Variants in CHST8 observed in about 807,000 individuals in gnomAD.
CHST8 encodes GALNAC-4-ST1.
Under a neutral mutation model 15.0 loss-of-function variants are expected in CHST8, and 10 were observed. The ratio of observed to expected loss-of-function variants is 0.67; its 90% confidence interval spans 0.41 to 1.13. The LOEUF is 1.13. Ranked by LOEUF, CHST8 falls within the 50% of genes most tolerant of loss-of-function variation. The probability of loss-of-function intolerance (pLI) is 0.00; values close to 1 mark genes in which losing one functional copy is unlikely to be tolerated. For missense variants in CHST8, 634 were observed against 608.2 expected (o/e 1.04, Z -0.45); for synonymous variants, 259 against 256.6 (o/e 1.01, Z -0.09).
chr19:33,696,813 A>G (rs1023612514), intron 3 of CHST8, among the ~76,000 whole-genome samples: 1 of 151,356 alleles, frequency 6.6e-6, no homozygotes, highest in African/African-American at 2.4e-5. Flanking sequence ...CCTTTTCACC[A>G]CATCCATGCC....
intron 1 of CHST8, among the ~76,000 whole-genome samples, chr19:33,639,990 C>T (rs1972260159): frequency 6.6e-6 from 1 of 152,082 alleles, no homozygotes; most frequent in Non-Finnish European, 1.5e-5. Flanking sequence ...CAGGCATGCG[C>T]CACCATGCCT....
At chr19:33,686,366 G>A (rs971944475) in intron 2 of CHST8, among the ~76,000 whole-genome samples, 3 of 152,080 alleles carry the variant, frequency 2.0e-5, no homozygotes, top group Non-Finnish European at 4.4e-5. Flanking sequence ...GGTTTGGGGC[G>A]GTTCAGAAAC....
At chr19:33,673,389 C>T (rs759826) in intron 2 of CHST8, among the ~76,000 whole-genome samples, 2,516 of 152,294 alleles carry the variant, frequency 0.017, 70 homozygotes, top group African/African-American at 0.058. Context: ...GTGAACCAGA[C>T]GTTGGCGGGG....
At chr19:33,653,378 T>G (rs1312612357) in intron 1 of CHST8, among the ~76,000 whole-genome samples, 2 of 152,200 alleles carry the variant, frequency 1.3e-5, no homozygotes, top group Admixed American at 6.6e-5. Flanking sequence ...TGTCTTTCTC[T>G]CTGGTTATTT....
At chr19:33,752,913 A>G (rs1328851245) in intron 3 of CHST8, among the ~76,000 whole-genome samples, 1 of 152,242 alleles carries the variant, frequency 6.6e-6, no homozygotes, top group Admixed American at 6.5e-5. Context: ...GCCAGACTTT[A>G]TAAAACAAAC....
chr19:33,682,184 G>GTTTTTTTT (rs1568325315), intron 2 of CHST8, among the ~76,000 whole-genome samples: 1 of 121,886 alleles, frequency 8.2e-6, no homozygotes. Flanking sequence ...GGTTTTTGTT[G>GTTTTTTTT]TTGTTTTTTT....
At chr19:33,694,154 C>A (rs1973157580) in intron 3 of CHST8, among the ~76,000 whole-genome samples, 1 of 61,992 alleles carries the variant, frequency 1.6e-5, no homozygotes, top group African/African-American at 6.9e-5. Flanking sequence ...CATACAGATT[C>A]TATTGTAGTT....
chr19:33,707,878 G>A (rs572122811), intron 3 of CHST8, among the ~76,000 whole-genome samples: 1 of 152,210 alleles, frequency 6.6e-6, no homozygotes, highest in African/African-American at 2.4e-5. Flanking sequence ...TCACCAGCAG[G>A]GTATGAAGGT....
chr19:33,748,525 G>T (rs1202434834), intron 3 of CHST8, among the ~76,000 whole-genome samples: 1 of 152,234 alleles, frequency 6.6e-6, no homozygotes, highest in Non-Finnish European at 1.5e-5. Flanking sequence ...CTTCTGCTGG[G>T]GTCCCAGCTG....
chr19:33,634,892 G>A (rs886537297), intron 1 of CHST8, among the ~76,000 whole-genome samples: 12 of 151,906 alleles, frequency 7.9e-5, no homozygotes, highest in Admixed American at 2.6e-4. Flanking sequence ...TTGGTTTCTC[G>A]CTCGCTGGGG....
chr19:33,773,015 G>A lies in CHST8; in HGVS notation c.1227G>A (p.Met409Ile), dbSNP rs1217267216. 2 of 1,612,014 alleles carry A rather than the reference G, an allele frequency of 1.2e-6. No individual in the cohort carries two copies. Among genetic ancestry groups the A allele is most frequent in the African/African-American group, 1.3e-5 (1 of 74,930 alleles). The stretch of plus-strand genomic sequence containing the variant: ...AGCGCACCTACGACTTCTACTACAT[G>A]GATTACCTGATGTTCAACTATTCCA... ...QRQRTYDFYYMDYLMFNYSKP... is the reference protein window; with the variant it reads ...QRQRTYDFYYIDYLMFNYSKP... Residue 409 changes from methionine (M) to isoleucine (I), a missense_variant, in exon 5 of 5, where the codon ATG becomes ATA. Met to Ile is a conservative substitution (Grantham distance 10, BLOSUM62 1). Transcript: ENST00000650847.
chr19:33,743,296 C>CTTTTT (rs916165328), intron 3 of CHST8, among the ~76,000 whole-genome samples: 55 of 98,220 alleles, frequency 5.6e-4, no homozygotes, highest in Non-Finnish European at 7.8e-4. Context: ...CACAGCAATT[C>CTTTTT]TTTTTTTTTT....
intron 1 of CHST8, among the ~76,000 whole-genome samples, chr19:33,643,367 T>TAA (rs200143659): frequency 1.3e-5 from 2 of 151,898 alleles, no homozygotes; most frequent in African/African-American, 4.8e-5. Flanking sequence ...GCATAAATAA[T>TAA]AAAAAAAAGG....
chr19:33,706,285 C>T (rs1200981225), intron 3 of CHST8, among the ~76,000 whole-genome samples: 2 of 152,194 alleles, frequency 1.3e-5, no homozygotes, highest in Non-Finnish European at 2.9e-5. Flanking sequence ...TCACAGCAGA[C>T]ATGTTCTGGT....
intron 3 of CHST8, among the ~76,000 whole-genome samples, chr19:33,733,440 G>A (rs972646452): frequency 2.0e-5 from 3 of 151,950 alleles, no homozygotes; most frequent in Non-Finnish European, 4.4e-5. Context: ...TCATCATGTT[G>A]GCCAAGCTGG....
At chr19:33,754,737 A>G (rs1470799221) in intron 3 of CHST8, among the ~76,000 whole-genome samples, 1 of 152,168 alleles carries the variant, frequency 6.6e-6, no homozygotes, top group Non-Finnish European at 1.5e-5. Context: ...AGCCTCTCAA[A>G]TAGACTAGCT....
chr19:33,716,953 C>T (rs1379603282), intron 3 of CHST8, among the ~76,000 whole-genome samples: 1 of 152,090 alleles, frequency 6.6e-6, no homozygotes, highest in East Asian at 1.9e-4. Context: ...TTCCCTCTGC[C>T]CCTGTCTGCA....
intron 2 of CHST8, among the ~76,000 whole-genome samples, chr19:33,682,236 T>C (rs1197060939): frequency 7.2e-6 from 1 of 139,616 alleles, no homozygotes; most frequent in African/African-American, 2.7e-5. Flanking sequence ...TCTGTTGCCC[T>C]GACTGGAGTG....
intron 2 of CHST8, among the ~76,000 whole-genome samples, chr19:33,669,906 A>C (rs1972714104): frequency 6.6e-6 from 1 of 152,230 alleles, no homozygotes; most frequent in African/African-American, 2.4e-5. Context: ...TAACTATAGA[A>C]TTGATTATGT....
Sources: gnomAD v4.1 joint callset for allele counts (sites outside exome capture counted in the v4.1 genomes callset) on GRCh38, gnomAD v4.1.1 for gene constraint, MANE v1.5 for transcripts, NCBI Gene and HGNC (gene_info 2026-07-23, HGNC 2026-07-21) for gene names.